The following TXNDC16 variants were observed in gnomAD, a reference collection of about 807,000 sequenced individuals.
The protein encoded by TXNDC16 is thioredoxin domain-containing protein 16.
In TXNDC16, 74 loss-of-function variants were observed where a neutral mutation model predicts 85.6. That is an observed-to-expected ratio of 0.86 (90% CI 0.72 to 1.05). The LOEUF (loss-of-function observed/expected upper bound fraction) is 1.05. TXNDC16 is among the 50% of genes least tolerant of loss of function. The pLI, the probability that TXNDC16 is intolerant of heterozygous loss-of-function variation, is 0.00. For missense variants in TXNDC16, 959 were observed against 947.0 expected (o/e 1.01, Z -0.17); for synonymous variants, 335 against 326.5 (o/e 1.03, Z -0.28).
chr14:52,451,919 T>C (rs939609887), intron 18 of TXNDC16, among the ~76,000 whole-genome samples: 4 of 152,172 alleles, frequency 2.6e-5, no homozygotes, highest in Admixed American at 2.0e-4. Flanking sequence ...GCAGATGATA[T>C]AATCCTATAT....
chr14:52,542,082 C>G (rs865878019), intron 4 of TXNDC16, among the ~76,000 whole-genome samples: 1 of 152,028 alleles, frequency 6.6e-6, no homozygotes, highest in African/African-American at 2.4e-5. Context: ...GAACAAAAAC[C>G]TAACTATAGG....
At chr14:52,472,359 G>A (rs1449703382) in intron 14 of TXNDC16, among the ~76,000 whole-genome samples, 1 of 151,672 alleles carries the variant, frequency 6.6e-6, no homozygotes, top group Non-Finnish European at 1.5e-5. Flanking sequence ...CACCATGCCC[G>A]GCTAATTTTT....
chr14:52,485,709 G>T (rs893059942), intron 12 of TXNDC16, among the ~76,000 whole-genome samples: 1 of 152,154 alleles, frequency 6.6e-6, no homozygotes. Flanking sequence ...GTAACATGCT[G>T]TATAGGTTTG....
At chr14:52,494,843 C>T (rs1391851318) in intron 9 of TXNDC16, among the ~76,000 whole-genome samples, 1 of 152,154 alleles carries the variant, frequency 6.6e-6, no homozygotes, top group Non-Finnish European at 1.5e-5. Flanking sequence ...TCCCAGATGT[C>T]TGCCATCAAT....
rs142346440 is a variant in TXNDC16, at chr14:52,451,778, C to T, written c.1842+3546G>A. ...AAAGTCTTTTCTCTAAGATCTGGAACGTGACAAGGATACCCACTGTCATGA... is the reference window on the plus strand; with the variant it reads ...AAAGTCTTTTCTCTAAGATCTGGAATGTGACAAGGATACCCACTGTCATGA... On this transcript the variant is annotated intron_variant, in intron 18 of 20. Coordinates refer to ENST00000281741, the MANE Select transcript of TXNDC16 (RefSeq NM_020784.3). 7.9e-5 allele frequency among the ~76,000 whole-genome samples: 12 copies of T among 152,168 alleles called. No individual in the cohort carries two copies. In the East Asian group the frequency reaches 1.2e-3, roughly 15 times the overall value.
At chr14:52,548,764 C>G (rs563692738) in intron 1 of TXNDC16, among the ~76,000 whole-genome samples, 64 of 152,170 alleles carry the variant, frequency 4.2e-4, no homozygotes, top group African/African-American at 1.5e-3. Flanking sequence ...TACCTGTAAT[C>G]CCAGCTACTC....
At chr14:52,511,133 C>G in intron 9 of TXNDC16, 107 bp downstream of exon 9, 1 of 929,482 alleles carries the variant, frequency 1.1e-6, no homozygotes, top group Non-Finnish European at 1.5e-6. Context: ...GTAAAACATG[C>G]ATCTATAAAT....
intron 16 of TXNDC16, among the ~76,000 whole-genome samples, chr14:52,465,562 A>T (rs1217401101): frequency 1.3e-5 from 2 of 149,662 alleles, no homozygotes; most frequent in Non-Finnish European, 3.0e-5. Context: ...ACTGCACTCC[A>T]GCCTGGGCGA....
chr14:52,457,365 A>G (rs1400863239), intron 16 of TXNDC16, among the ~76,000 whole-genome samples, 191 bp from the exon 17 acceptor site: 1 of 152,224 alleles, frequency 6.6e-6, no homozygotes, highest in Non-Finnish European at 1.5e-5. Flanking sequence ...GGATTACTAA[A>G]GAAATGTCAA....
chr14:52,496,327 T>G (rs1180514870), intron 9 of TXNDC16, among the ~76,000 whole-genome samples: 1 of 152,010 alleles, frequency 6.6e-6, no homozygotes, highest in Non-Finnish European at 1.5e-5. Context: ...CAGGCATATG[T>G]TGCCAGTTCC....
chr14:52,440,821 T>A, intron 18 of TXNDC16, 97 bp from the exon 19 acceptor site: 1 of 1,140,850 alleles, frequency 8.8e-7, no homozygotes, highest in Non-Finnish European at 1.2e-6. Context: ...TTTTAGTTTG[T>A]AAAATGTAAT....
At chr14:52,526,737 G>C (rs1326974937) in intron 6 of TXNDC16, among the ~76,000 whole-genome samples, 1 of 152,234 alleles carries the variant, frequency 6.6e-6, no homozygotes, top group African/African-American at 2.4e-5. Flanking sequence ...CTGGCAGACA[G>C]CTTCAGGATG....
At chr14:52,488,539 A>G (rs1476556822) in intron 11 of TXNDC16, 53 bp from the exon 12 acceptor site, 3 of 1,463,580 alleles carry the variant, frequency 2.0e-6, no homozygotes, top group East Asian at 5.0e-5. Context: ...TTTTGACATA[A>G]AAATGTTTTA....
At chr14:52,481,586 C>T (rs2036152091) in intron 14 of TXNDC16, among the ~76,000 whole-genome samples, 1 of 152,128 alleles carries the variant, frequency 6.6e-6, no homozygotes, top group Admixed American at 6.5e-5. Context: ...GGCACACTAC[C>T]TAACCATAAG....
intron 17 of TXNDC16, 85 bp from the exon 18 acceptor site, chr14:52,455,547 G>C: frequency 6.6e-7 from 1 of 1,507,482 alleles, no homozygotes; most frequent in Non-Finnish European, 9.0e-7. Flanking sequence ...GTCACAGTGT[G>C]AGGCAGCAAA....
At chr14:52,432,664 T>C (rs1310064580) in intron 20 of TXNDC16, 77 bp from the exon 21 acceptor site, 2 of 1,299,226 alleles carry the variant, frequency 1.5e-6, no homozygotes, top group African/African-American at 1.5e-5. Flanking sequence ...AAATGTTTTA[T>C]TTTGAAAAAT....
At chr14:52,488,831 G>GAA (rs199871075) in intron 11 of TXNDC16, among the ~76,000 whole-genome samples, 7 of 90,006 alleles carry the variant, frequency 7.8e-5, no homozygotes, top group South Asian at 3.4e-4. Context: ...GAGACTCTGG[G>GAA]AAAAAAAAAA....
chr14:52,467,728 C>T (rs1460327437), intron 16 of TXNDC16, among the ~76,000 whole-genome samples: 1 of 152,160 alleles, frequency 6.6e-6, no homozygotes, highest in Non-Finnish European at 1.5e-5. Flanking sequence ...CCATATGACC[C>T]AGCAATTCCA....
At position 52,431,014 on chromosome 14, in the gene TXNDC16, A is replaced by G. The variant is rs2034880392; in HGVS notation, c.*1290T>C. 1 of 152,266 alleles carries G rather than the reference A, an allele frequency of 6.6e-6. No individual in the cohort carries two copies. The highest frequency in any genetic ancestry group is 2.4e-5 in the African/African-American group (1 of 41,474). 9.4% of individuals were successfully genotyped at this position (152,266 alleles called of 1,614,324 possible). On this transcript the variant is annotated 3_prime_UTR_variant, in exon 21 of 21. Transcript: ENST00000281741. ...TTAAAGAACAAGATATCAAGTAGAT[A>G]TTAAAAAGAAAAATACAGTAGAGCA...
Sources: allele counts gnomAD v4.1 joint callset (sites outside exome capture counted in the v4.1 genomes callset), GRCh38; gene constraint gnomAD v4.1.1; transcripts MANE v1.5; gene names NCBI Gene and HGNC (gene_info 2026-07-23, HGNC 2026-07-21).